PITPNC1: variants seen among roughly 807,000 people sequenced by gnomAD.
PITPNC1 encodes cytoplasmic phosphatidylinositol transfer protein 1.
Under a neutral mutation model 44.7 loss-of-function variants are expected in PITPNC1, and 18 were observed. The ratio of observed to expected loss-of-function variants is 0.40; its 90% CI spans 0.28 to 0.60. The LOEUF (loss-of-function observed/expected upper bound fraction) is 0.60. Ranked by LOEUF, PITPNC1 falls within the 20% of genes least tolerant of loss-of-function variation. The pLI, the probability that PITPNC1 is intolerant of heterozygous loss-of-function variation, is 0.39. For synonymous variants in PITPNC1, 141 were observed against 149.6 expected, an observed-to-expected ratio of 0.94 and a Z score of 0.42; for missense variants, 290 against 418.4, an observed-to-expected ratio of 0.69 and a Z score of 2.68.
chr17:67,435,750 G>A lies in PITPNC1; in HGVS notation c.48+57548G>A, dbSNP rs865826915. On this transcript the variant is annotated intron_variant, in intron 1 of 8. Coordinates refer to ENST00000581322, the MANE Select transcript of PITPNC1 (RefSeq NM_012417.4). ...ATCTGTAATCCCAGCTACTCAGGAG[G>A]CTGAGGCAGGAGAATCGCTTGAACC... 3.3e-5 allele frequency among the ~76,000 whole-genome samples: 5 copies of A among 152,244 alleles called. No homozygotes were observed. In the Middle Eastern group the frequency reaches 0.01, roughly 311 times the overall value.
chr17:67,489,092 G>A (rs1442039233), intron 1 of PITPNC1, among the ~76,000 whole-genome samples: 1 of 152,186 alleles, frequency 6.6e-6, no homozygotes, highest in East Asian at 1.9e-4. Context: ...TCTGCTTTCT[G>A]TTCTTTGGGG....
intron 5 of PITPNC1, among the ~76,000 whole-genome samples, chr17:67,607,718 CT>C (rs80303438): frequency 0.045 from 6,770 of 150,342 alleles, 270 homozygotes; most frequent in East Asian, 0.15. Context: ...GACTCCTTAA[CT>C]TTTTTTTCTT....
At chr17:67,455,378 T>C (rs1213923465) in intron 1 of PITPNC1, among the ~76,000 whole-genome samples, 1 of 152,146 alleles carries the variant, frequency 6.6e-6, no homozygotes, top group Non-Finnish European at 1.5e-5. Flanking sequence ...TCTTGATTCA[T>C]TCCTTGGGAT....
At chr17:67,645,043 G>A (rs1396769328) in intron 6 of PITPNC1, among the ~76,000 whole-genome samples, 1 of 152,084 alleles carries the variant, frequency 6.6e-6, no homozygotes, top group Admixed American at 6.6e-5. Flanking sequence ...TTGACAGGTA[G>A]GAAGTGTTTC....
At chr17:67,602,671 G>C (rs2041556861) in intron 5 of PITPNC1, among the ~76,000 whole-genome samples, 1 of 152,146 alleles carries the variant, frequency 6.6e-6, no homozygotes, top group African/African-American at 2.4e-5. Flanking sequence ...TAGAAAGCAG[G>C]GGCCTGGAGG....
chr17:67,590,150 G>T (rs2041371397), intron 5 of PITPNC1, among the ~76,000 whole-genome samples: 1 of 152,104 alleles, frequency 6.6e-6, no homozygotes. Context: ...TCATGTTAAT[G>T]TTTTCCCCAC....
rs2144412433 is a variant in PITPNC1, at chr17:67,675,508, T to C, written c.648T>C (p.His216=). 1 of 1,611,550 alleles carries C rather than the reference T, an allele frequency of 6.2e-7. No individual in the cohort carries two copies. Among genetic ancestry groups the C allele is most frequent in the Non-Finnish European group, 8.5e-7 (1 of 1,177,640 alleles). The change falls in exon 8 of 9, where the codon CAT becomes CAC. Residue 216 remains histidine, a synonymous_variant. Coordinates refer to ENST00000581322, the MANE Select transcript of PITPNC1 (RefSeq NM_012417.4). ...KVVRDILLIG[H]RQAFAWVDEW... is the part of the protein sequence containing the mutation. Reference sequence around the variant, plus strand: ...TCCGAGACATTCTGCTGATTGGACATAGACAGGCTTTTGCATGGGTTGATG... The same window carrying C: ...TCCGAGACATTCTGCTGATTGGACACAGACAGGCTTTTGCATGGGTTGATG...
rs550013107 is a variant in PITPNC1 at position 67,486,169 on chromosome 17, T to C, written c.49-46633T>C. Among the ~76,000 whole-genome samples, 8 of 152,320 alleles carry C rather than the reference T, an allele frequency of 5.3e-5. No individual in the cohort carries two copies. The South Asian group carries it at 1.7e-3, about 32-fold the overall frequency. Reference sequence around the variant, plus strand: ...CAGAAAATTCTCCCTTTACATAATTTATGGTCATTCTGCTGTTTAAATGTG... The same window carrying C: ...CAGAAAATTCTCCCTTTACATAATTCATGGTCATTCTGCTGTTTAAATGTG... On this transcript the variant is annotated intron_variant, in intron 1 of 8. Coordinates refer to ENST00000581322, the MANE Select transcript of PITPNC1 (RefSeq NM_012417.4).
At chr17:67,615,414 G>A (rs2570051) in intron 5 of PITPNC1, among the ~76,000 whole-genome samples, 8,849 of 152,186 alleles carry the variant, frequency 0.058, 601 homozygotes, top group African/African-American at 0.16. Flanking sequence ...TGAACAAGAG[G>A]AGGAAACTCA....
chr17:67,498,871 TG>T (rs1218607286), intron 1 of PITPNC1, among the ~76,000 whole-genome samples: 1 of 109,944 alleles, frequency 9.1e-6, no homozygotes, highest in African/African-American at 3.4e-5. Context: ...TTTTTTTGTT[TG>T]TTTTTGTTTT....
At chr17:67,554,458 A>G (rs1357122505) in intron 4 of PITPNC1, among the ~76,000 whole-genome samples, 1 of 151,964 alleles carries the variant, frequency 6.6e-6, no homozygotes, top group African/African-American at 2.4e-5. Flanking sequence ...GGGTTTCACC[A>G]TGTTGGCCAG....
intron 5 of PITPNC1, among the ~76,000 whole-genome samples, chr17:67,608,096 T>C (rs2041632865): frequency 6.6e-6 from 1 of 152,166 alleles, no homozygotes; most frequent in Non-Finnish European, 1.5e-5. Flanking sequence ...GTAACCATCG[T>C]GCAGTGCTTA....
chr17:67,557,512 G>T (rs2040854096), intron 4 of PITPNC1, among the ~76,000 whole-genome samples: 1 of 152,172 alleles, frequency 6.6e-6, no homozygotes, highest in African/African-American at 2.4e-5. Context: ...AGGTCACATT[G>T]TTCCTGGCTA....
intron 4 of PITPNC1, among the ~76,000 whole-genome samples, chr17:67,573,850 C>G (rs2041097462): frequency 6.6e-6 from 1 of 152,254 alleles, no homozygotes; most frequent in African/African-American, 2.4e-5. Flanking sequence ...CATGAGCCAC[C>G]ATGCCCGGCT....
At chr17:67,418,630 G>A (rs529209950) in intron 1 of PITPNC1, among the ~76,000 whole-genome samples, 18 of 151,748 alleles carry the variant, frequency 1.2e-4, no homozygotes, top group African/African-American at 4.4e-4. Context: ...GTCTTGTCTC[G>A]GCTCACTGCA....
At chr17:67,629,273 G>C (rs994153657) in intron 5 of PITPNC1, among the ~76,000 whole-genome samples, 2 of 7,568 alleles carry the variant, frequency 2.6e-4, no homozygotes, top group African/African-American at 9.7e-4. Flanking sequence ...TGTGGTTTTT[G>C]TTGTTGTTGT....
chr17:67,566,756 G>A (rs2040985975), intron 4 of PITPNC1, among the ~76,000 whole-genome samples: 1 of 152,154 alleles, frequency 6.6e-6, no homozygotes. Flanking sequence ...TATTTTCTCT[G>A]CTGTTAGTGG....
rs144035448 is a variant in PITPNC1 at position 67,551,832 on chromosome 17, A to G, written c.198-425A>G. On this transcript the variant is annotated intron_variant, in intron 2 of 8. Coordinates refer to ENST00000581322, the MANE Select transcript of PITPNC1 (RefSeq NM_012417.4). ...TGTCCATTTTCAAAATGTCACTTGT[A>G]TGAGTTGCTTAGGCTGACATCTATC... 5.8e-4 allele frequency among the ~76,000 whole-genome samples: 88 copies of G among 152,228 alleles called. 1 individual carries two copies. The highest frequency in any genetic ancestry group is 3.4e-3 in the Middle Eastern group (1 of 294).
chr17:67,428,147 A>G (rs1481303166), intron 1 of PITPNC1, among the ~76,000 whole-genome samples: 6 of 152,128 alleles, frequency 3.9e-5, no homozygotes, highest in African/African-American at 1.4e-4. Context: ...GGCATCCACC[A>G]CTGTGCCAGG....
Sources: allele counts gnomAD v4.1 joint callset (sites outside exome capture counted in the v4.1 genomes callset), GRCh38; gene constraint gnomAD v4.1.1; transcripts MANE v1.5; gene names NCBI Gene and HGNC (gene_info 2026-07-23, HGNC 2026-07-21).